The following HTT variants were observed in gnomAD, a reference collection of about 807,000 sequenced individuals.
HTT encodes huntingtin, also known as huntington disease protein.
Under a neutral mutation model 362.3 loss-of-function variants are expected in HTT, and 104 were observed. The observed-to-expected ratio is 0.29, with a 90% CI of 0.24 to 0.34. The LOEUF (loss-of-function observed/expected upper bound fraction) is 0.34, where lower values mean the gene tolerates loss of function less well. HTT is among the 10% of genes least tolerant of loss of function. HTT has a pLI of 1.00. For synonymous variants in HTT, 1,577 were observed against 1,548.7 expected (o/e 1.02, Z -0.43); for missense variants, 3,301 against 3,928.6 (o/e 0.84, Z 4.27).
chr4:3,141,125 A>C (rs1045034838), intron 22 of HTT, among the ~76,000 whole-genome samples: 1 of 152,214 alleles, frequency 6.6e-6, no homozygotes, highest in South Asian at 2.1e-4. Flanking sequence ...TATCGTGTCA[A>C]ATGGCCACAT....
chr4:3,084,735 C>T (rs535987073), intron 1 of HTT, among the ~76,000 whole-genome samples: 3 of 150,684 alleles, frequency 2.0e-5, no homozygotes, highest in African/African-American at 4.9e-5. Context: ...ATTACTGGGC[C>T]GGGTGTGGTG....
intron 22 of HTT, 61 bp from the exon 23 acceptor site, chr4:3,142,705 T>A (rs933832734): frequency 2.3e-6 from 2 of 879,762 alleles, no homozygotes; most frequent in South Asian, 4.3e-5. Flanking sequence ...TAAATGCCAT[T>A]TGATCTTTAA....
At chr4:3,172,434 T>G in intron 30 of HTT, 37 bp downstream of exon 30, 1 of 1,373,018 alleles carries the variant, frequency 7.3e-7, no homozygotes, top group Non-Finnish European at 1.0e-6. Flanking sequence ...TGTTAAGACG[T>G]TCGGGTATGA....
Position 3,228,589 on chromosome 4 carries a change from T to C in HTT, c.7849-26T>C. The C allele has an allele frequency of 6.5e-7, 1 of 1,537,612 alleles. No homozygotes were observed. Among genetic ancestry groups the C allele is most frequent in the African/African-American group, 1.4e-5 (1 of 72,504 alleles). On this transcript the variant is annotated intron_variant, in intron 57 of 66. Transcript: ENST00000355072. The surrounding 1 kb of genome is among the most constrained non-coding windows in gnomAD (Gnocchi z 4.3). ...GAGCCTGGCACTGTGGCCGCAGCAC[T>C]GAGCAGTGCCCCGTTTCTGTGGCAG...
At chr4:3,199,693 G>T in intron 40 of HTT, 39 bp from the exon 41 acceptor site, 1 of 1,588,634 alleles carries the variant, frequency 6.3e-7, no homozygotes, top group South Asian at 1.1e-5. Context: ...ACTGGACCGA[G>T]ATGAAAGCAA....
intron 9 of HTT, among the ~76,000 whole-genome samples, chr4:3,122,467 C>A (rs892136628): frequency 1.3e-5 from 2 of 152,202 alleles, no homozygotes; most frequent in Admixed American, 6.5e-5. Flanking sequence ...TTGCCAGAAC[C>A]ATGAGCAGGA....
chr4:3,106,560 T>C (rs1714435369), intron 5 of HTT, among the ~76,000 whole-genome samples: 1 of 152,200 alleles, frequency 6.6e-6, no homozygotes, highest in African/African-American at 2.4e-5. Flanking sequence ...ATTTAAACTC[T>C]TGTACCCATT....
At position 3,219,956 on chromosome 4, in the gene HTT, G is replaced by C. The variant is rs576818800; in HGVS notation, c.7243-226G>C. Among the ~76,000 whole-genome samples, 422 of 152,300 alleles carry C rather than the reference G, an allele frequency of 2.8e-3. 4 individuals are homozygous for C. Among genetic ancestry groups the C allele is most frequent in the African/African-American group, 9.3e-3 (387 of 41,558 alleles). On this transcript the variant is annotated intron_variant, in intron 52 of 66. Transcript: ENST00000355072. ...GGGTGTGCCAGCAGCCTCAGGATGA[G>C]GACAGGAAGTGGGAGGGCAGAGCAG... is the stretch of plus-strand genomic sequence containing the variant.
chr4:3,198,641 C>A (rs188119556), intron 40 of HTT, among the ~76,000 whole-genome samples: 22 of 152,360 alleles, frequency 1.4e-4, no homozygotes, highest in Admixed American at 3.9e-4. Flanking sequence ...AGTCTTGCTG[C>A]CTCTCCCTGC....
At chr4:3,137,867 T>C (rs993301023) in intron 21 of HTT, among the ~76,000 whole-genome samples, 1 of 152,246 alleles carries the variant, frequency 6.6e-6, no homozygotes, top group African/African-American at 2.4e-5. Context: ...ATATGAATAA[T>C]ACCATATTTT....
rs372373805 is a variant in HTT at position 3,224,009 on chromosome 4, G to A, written c.7643G>A (p.Ser2548Asn). Residue 2548 changes from serine to asparagine, a missense_variant, in exon 56 of 67, where the codon AGC becomes AAC. Around this residue, in one of 4 missense-constraint regions of HTT, gnomAD observed 753 missense variants for 1,021.3 expected, o/e 0.74. Coordinates refer to ENST00000355072, the MANE Select transcript of HTT (RefSeq NM_001388492.1). The part of the protein sequence containing the change: ...ALDTRFGRKL[S>N]IIRGIVEQEI... Reference sequence around the variant, plus strand: ...AAATGTAGGTTTGGGAGGAAGCTGAGCATTATCAGAGGGATTGTGGAGCAA... The same window carrying A: ...AAATGTAGGTTTGGGAGGAAGCTGAACATTATCAGAGGGATTGTGGAGCAA... The A allele has an allele frequency of 6.8e-6, 11 of 1,614,032 alleles. No individual in the cohort carries two copies. Among genetic ancestry groups the A allele is most frequent in the African/African-American group, 4.0e-5 (3 of 74,918 alleles).
intron 6 of HTT, among the ~76,000 whole-genome samples, chr4:3,107,820 T>C (rs1714514224): frequency 6.6e-6 from 1 of 152,230 alleles, no homozygotes; most frequent in Admixed American, 6.5e-5. Flanking sequence ...CCTGTTGGCT[T>C]CCTGTTGTGC....
At chr4:3,155,366 T>C (rs1658852734) in intron 27 of HTT, among the ~76,000 whole-genome samples, 1 of 150,668 alleles carries the variant, frequency 6.6e-6, no homozygotes, top group Admixed American at 6.6e-5. Flanking sequence ...GGACTACAGG[T>C]GTGCACCACC....
chr4:3,120,379 A>G (rs995672250), intron 8 of HTT, among the ~76,000 whole-genome samples: 2 of 152,314 alleles, frequency 1.3e-5, no homozygotes, highest in African/African-American at 2.4e-5. Flanking sequence ...TAAAGGGAAA[A>G]AGAATAAATT....
chr4:3,079,409 A>T (rs1205269485), intron 1 of HTT, among the ~76,000 whole-genome samples: 3 of 152,148 alleles, frequency 2.0e-5, no homozygotes, highest in Non-Finnish European at 4.4e-5. Flanking sequence ...GGTGTGAGCC[A>T]TCACACCTGG....
At chr4:3,177,040 A>C (rs542223895) in intron 33 of HTT, among the ~76,000 whole-genome samples, 14 of 152,192 alleles carry the variant, frequency 9.2e-5, no homozygotes, top group Admixed American at 2.0e-4. Context: ...ATTAACGTGA[A>C]CAGATGAGTC....
intron 22 of HTT, among the ~76,000 whole-genome samples, chr4:3,141,170 G>A (rs1031059683): frequency 6.6e-6 from 1 of 152,194 alleles, no homozygotes; most frequent in African/African-American, 2.4e-5. Context: ...AGGTGAGTGG[G>A]ACACAGTGCT....
intron 57 of HTT, among the ~76,000 whole-genome samples, chr4:3,226,685 A>G (rs779085276): frequency 5.3e-5 from 8 of 152,198 alleles, no homozygotes; most frequent in Admixed American, 2.0e-4. Context: ...TTCTGTGGAA[A>G]TGGGTCAGAA....
rs1261308711 is a variant in HTT, at chr4:3,218,542, A to G, written c.7242+590A>G. 4.6e-5 allele frequency among the ~76,000 whole-genome samples: 7 copies of G among 152,072 alleles called. No individual in the cohort carries two copies. The highest frequency in any genetic ancestry group is 1.7e-4 in the African/African-American group (7 of 41,412). ...CAGCTACTCAGGAGACTGAGACAGG[A>G]GAATCGCTTGAACCCAGGAGGCGAA... On this transcript the variant is annotated intron_variant, in intron 52 of 66. Transcript: ENST00000355072. The surrounding 1 kb of genome is among the most constrained non-coding windows in gnomAD (Gnocchi z 4.4).
Sources: gnomAD v4.1 joint callset for allele counts (sites outside exome capture counted in the v4.1 genomes callset) on GRCh38, gnomAD v4.1.1 for gene constraint, gnomAD v4.1.1 regional missense constraint, Gnocchi (gnomAD v3.1) non-coding constraint, MANE v1.5 for transcripts, NCBI Gene and HGNC (gene_info 2026-07-23, HGNC 2026-07-21) for gene names.